The following RARB variants were observed in gnomAD, a reference collection of about 807,000 sequenced individuals.
RARB encodes the protein retinoic acid receptor beta.
A neutral mutation model predicts 51.9 loss-of-function variants in RARB; 17 were observed. That is an observed-to-expected ratio of 0.33 (90% CI 0.22 to 0.49). The LOEUF (loss-of-function observed/expected upper bound fraction) is 0.49, where lower values mean the gene tolerates loss of function less well. Ranked by LOEUF, RARB falls within the 20% of genes least tolerant of loss-of-function variation. RARB has a pLI of 0.99. For missense variants in RARB, 369 were observed against 550.8 expected, an observed-to-expected ratio of 0.67 and a Z score of 3.30; for synonymous variants, 215 against 195.4, an observed-to-expected ratio of 1.10 and a Z score of -0.84.
intron 5 of RARB, among the ~76,000 whole-genome samples, chr3:25,199,998 C>G (rs553091573): frequency 1.3e-5 from 2 of 152,262 alleles, no homozygotes; most frequent in African/African-American, 4.8e-5. Flanking sequence ...ATTTCTAGTT[C>G]TAGATCCCTG....
intron 3 of RARB, among the ~76,000 whole-genome samples, chr3:25,527,027 G>C (rs528091712): frequency 8.5e-5 from 13 of 152,188 alleles, no homozygotes; most frequent in African/African-American, 3.1e-4. Flanking sequence ...ACTTTATTCA[G>C]TGTCAGCAGT....
intron 2 of RARB, among the ~76,000 whole-genome samples, chr3:25,038,298 G>A (rs948819844): frequency 7.9e-5 from 12 of 152,112 alleles, no homozygotes; most frequent in Non-Finnish European, 1.8e-4. Context: ...ATCATAATAT[G>A]TAATGAATGC....
chr3:25,383,128 A>G (rs1268744101), intron 5 of RARB, among the ~76,000 whole-genome samples: 2 of 152,212 alleles, frequency 1.3e-5, no homozygotes, highest in East Asian at 1.9e-4. Flanking sequence ...TTATACCTTT[A>G]TATTTAGCCA....
chr3:25,030,310 T>C (rs1037291031), intron 2 of RARB, among the ~76,000 whole-genome samples: 1 of 152,236 alleles, frequency 6.6e-6, no homozygotes, highest in Non-Finnish European at 1.5e-5. Context: ...ATCATCACTC[T>C]ACAGTAATTT....
intron 3 of RARB, among the ~76,000 whole-genome samples, chr3:25,508,614 T>C (rs1191767766): frequency 1.3e-5 from 2 of 152,218 alleles, no homozygotes; most frequent in South Asian, 2.1e-4. Flanking sequence ...AATTTTAGTT[T>C]ATTTCTTCAT....
chr3:25,130,924 T>TTATTGATAATA (rs1699938748), intron 3 of RARB, among the ~76,000 whole-genome samples: 7 of 19,886 alleles, frequency 3.5e-4, no homozygotes, highest in Non-Finnish European at 7.9e-4. Context: ...ATTATCAATA[T>TTATTGATAATA]TTATCATTGA....
At chr3:25,273,527 G>A (rs1343135140) in intron 5 of RARB, among the ~76,000 whole-genome samples, 1 of 152,206 alleles carries the variant, frequency 6.6e-6, no homozygotes, top group East Asian at 1.9e-4. Flanking sequence ...TCAAGGTGCT[G>A]TTAGAAGTGA....
At chr3:25,572,408 G>T (rs1179162826) in intron 4 of RARB, among the ~76,000 whole-genome samples, 1 of 152,146 alleles carries the variant, frequency 6.6e-6, no homozygotes, top group Non-Finnish European at 1.5e-5. Context: ...AGGACTCTGT[G>T]ATTTGGGTTT....
At chr3:25,231,193 T>C (rs1296448117) in intron 5 of RARB, among the ~76,000 whole-genome samples, 1 of 152,166 alleles carries the variant, frequency 6.6e-6, no homozygotes, top group Non-Finnish European at 1.5e-5. Context: ...ACAATGATGT[T>C]TGAAGGTAAA....
chr3:25,259,424 G>A (rs1460911581), intron 5 of RARB, among the ~76,000 whole-genome samples: 1 of 152,058 alleles, frequency 6.6e-6, no homozygotes, highest in African/African-American at 2.4e-5. Context: ...ATCACTTGTT[G>A]ACCTGGTGAA....
At chr3:25,582,167 G>A (rs955235010) in intron 5 of RARB, among the ~76,000 whole-genome samples, 3 of 152,282 alleles carry the variant, frequency 2.0e-5, no homozygotes, top group Admixed American at 1.3e-4. Flanking sequence ...CAATGTGGGC[G>A]AATCAATAAT....
intron 2 of RARB, among the ~76,000 whole-genome samples, chr3:25,469,907 G>C (rs911161680): frequency 6.6e-6 from 1 of 152,258 alleles, no homozygotes; most frequent in Non-Finnish European, 1.5e-5. Flanking sequence ...GTCTTTGAAA[G>C]ACCATTCCAA....
chr3:25,390,678 TGGGCTTC>T (rs1424738860), intron 5 of RARB, among the ~76,000 whole-genome samples: 1 of 152,198 alleles, frequency 6.6e-6, no homozygotes, highest in Non-Finnish European at 1.5e-5. Context: ...TTATCAAGTT[TGGGCTTC>T]ACAGTAATAA....
intron 5 of RARB, among the ~76,000 whole-genome samples, chr3:25,293,058 A>G (rs1703827402): frequency 6.6e-6 from 1 of 152,156 alleles, no homozygotes; most frequent in Admixed American, 6.5e-5. Flanking sequence ...TGAGAATCCA[A>G]TGCAGACAAA....
intron 2 of RARB, among the ~76,000 whole-genome samples, chr3:25,026,260 G>T (rs1441634810): frequency 1.3e-5 from 2 of 152,150 alleles, no homozygotes; most frequent in Non-Finnish European, 2.9e-5. Flanking sequence ...AGTCTGCTAG[G>T]GTTACTCTAG....
intron 5 of RARB, among the ~76,000 whole-genome samples, chr3:25,219,597 T>C (rs1701902591): frequency 6.6e-6 from 1 of 152,170 alleles, no homozygotes; most frequent in South Asian, 2.1e-4. Context: ...TTGATCACAC[T>C]TGCTGAAGGG....
intron 2 of RARB, among the ~76,000 whole-genome samples, chr3:24,933,711 C>T (rs752402908): frequency 3.3e-5 from 5 of 152,080 alleles, no homozygotes; most frequent in African/African-American, 4.8e-5. Context: ...GCCACTTTAA[C>T]AATTTTTAAA....
chr3:25,068,835 A>T (rs1046171938), intron 3 of RARB, among the ~76,000 whole-genome samples: 1 of 151,956 alleles, frequency 6.6e-6, no homozygotes, highest in Non-Finnish European at 1.5e-5. Flanking sequence ...TATCTTCAGG[A>T]TGGCCAATTC....
chr3:25,094,031 G>T (rs1489625430), intron 3 of RARB, among the ~76,000 whole-genome samples: 1 of 152,142 alleles, frequency 6.6e-6, no homozygotes, highest in Non-Finnish European at 1.5e-5. Context: ...AGTGCCTGAG[G>T]AGCAAACTAG....
Sources: gnomAD v4.1 joint callset for allele counts (sites outside exome capture counted in the v4.1 genomes callset) on GRCh38, gnomAD v4.1.1 for gene constraint, MANE v1.5 for transcripts, NCBI Gene and HGNC (gene_info 2026-07-23, HGNC 2026-07-21) for gene names.